The following ANGEL2 variants were observed in gnomAD, a reference collection of about 807,000 sequenced individuals.
The protein encoded by ANGEL2 is RNA 2',3'-cyclic phosphatase ANGEL2.
Under a neutral mutation model 66.0 loss-of-function variants are expected in ANGEL2, and 41 were observed. The ratio of observed to expected loss-of-function variants is 0.62; its 90% CI spans 0.48 to 0.81. The LOEUF is 0.81. Ranked by LOEUF, ANGEL2 falls within the 30% of genes least tolerant of loss-of-function variation. The pLI is 0.00. For synonymous variants in ANGEL2, 208 were observed against 226.5 expected (o/e 0.92, Z 0.73); for missense variants, 561 against 641.6 (o/e 0.87, Z 1.36).
intron 8 of ANGEL2, among the ~76,000 whole-genome samples, chr1:212,996,448 CCT>C (rs151245125): frequency 0.02 from 3,085 of 151,122 alleles, 92 homozygotes; most frequent in African/African-American, 0.07. Context: ...ACGGTGAAAC[CCT>C]GTCTCTACAA....
At chr1:213,007,099 G>GAAAAAAAA (rs202124670) in intron 4 of ANGEL2, 30 bp downstream of exon 4, 9 of 1,388,152 alleles carry the variant, frequency 6.5e-6, no homozygotes, top group South Asian at 2.5e-5. Context: ...TCTCAAAAAA[G>GAAAAAAAA]AAAAAAAAAA....
intron 5 of ANGEL2, among the ~76,000 whole-genome samples, chr1:213,002,778 C>A (rs891252524): frequency 6.6e-6 from 1 of 151,858 alleles, no homozygotes; most frequent in African/African-American, 2.4e-5. Context: ...AAAATTAGCC[C>A]GGCGTGGAGG....
At position 213,005,258 on chromosome 1, in the gene ANGEL2, T is replaced by G; in HGVS notation, c.909A>C (p.Ala303=). 2 of 1,614,260 alleles carry G rather than the reference T, an allele frequency of 1.2e-6. No homozygotes were observed. The highest frequency in any genetic ancestry group is 1.7e-6 in the Non-Finnish European group (2 of 1,180,054). Residue 303 remains alanine (A), a synonymous_variant, in exon 5 of 9, where the codon GCA becomes GCC. Coordinates refer to ENST00000366962, the MANE Select transcript of ANGEL2 (RefSeq NM_144567.5). ...ACAGATGCGTATTTGCTACGCAGAT[T>G]GCAGGGCAGGCAGCATATGGAATTT... ...QPKIPYAACP[A]ICVANTHLLY... is the part of the protein sequence containing the mutation.
Position 212,994,523 on chromosome 1 carries a change from A to T in ANGEL2, c.*518T>A, listed in dbSNP as rs1442620383. On this transcript the variant is annotated 3_prime_UTR_variant, in exon 9 of 9. Coordinates refer to ENST00000366962, the MANE Select transcript of ANGEL2 (RefSeq NM_144567.5). ...TGTACAACTTAAAAAGCATTATCAA[A>T]CCCCTTCAAAAACAAACTAAACAAT... 6.6e-6 allele frequency: 1 copy of T among 152,242 alleles called. No homozygotes were observed. Among genetic ancestry groups the T allele is most frequent in the African/African-American group, 2.4e-5 (1 of 41,420 alleles). 9.4% of individuals were successfully genotyped at this position (152,242 alleles called of 1,614,324 possible).
rs754069766 is a variant in ANGEL2 at position 213,000,948 on chromosome 1, G to T, written c.1135-36C>A. 18 of 1,594,224 alleles carry T rather than the reference G, an allele frequency of 1.1e-5. No individual in the cohort carries two copies. In the African/African-American group the frequency reaches 1.8e-4, roughly 16 times the overall value. On this transcript the variant is annotated intron_variant, in intron 5 of 8. Coordinates refer to ENST00000366962, the MANE Select transcript of ANGEL2 (RefSeq NM_144567.5). ...TTTCAACAGGTATCTTAAGTGAAAAGATTTTAAATAGCTTATGAGTTGAAA... is the reference window on the plus strand; with the variant it reads ...TTTCAACAGGTATCTTAAGTGAAAATATTTTAAATAGCTTATGAGTTGAAA...
intron 7 of ANGEL2, among the ~76,000 whole-genome samples, chr1:212,998,681 C>T (rs1639668706): frequency 1.3e-5 from 2 of 150,892 alleles, no homozygotes; most frequent in South Asian, 4.2e-4. Context: ...ACCACCACAC[C>T]TAGCTAATTT....
In ANGEL2 at chr1:213,000,222, C is replaced by T. The variant is rs552381181; in HGVS notation, c.1319+104G>A. On this transcript the variant is annotated intron_variant, in intron 7 of 8. Transcript: ENST00000366962. ...TAAGGGCCAGCACCCTTCACCAGCACGGAATACTATCACCTTCATTTTTTT... is the reference window on the plus strand; with the variant it reads ...TAAGGGCCAGCACCCTTCACCAGCATGGAATACTATCACCTTCATTTTTTT... 1.8e-4 allele frequency: 194 copies of T among 1,102,794 alleles called. No individual in the cohort carries two copies. In the African/African-American group the frequency reaches 2.5e-3, roughly 14 times the overall value. The allele number at this position is 1,102,794 out of a possible 1,614,324, so 68.3% of individuals were successfully genotyped here. A position where few individuals can be genotyped will look rare whatever the true frequency, so the allele number is the denominator to read the frequency against.
At position 213,015,818 on chromosome 1, in the gene ANGEL2, G is replaced by C. The variant is rs1183352982; in HGVS notation, c.-147C>G. The C allele has an allele frequency of 1.6e-5, 17 of 1,052,590 alleles. No homozygotes were observed. The highest frequency in any genetic ancestry group is 2.1e-5 in the Non-Finnish European group (15 of 721,132). 65.2% of individuals were successfully genotyped at this position (1,052,590 alleles called of 1,614,324 possible). On this transcript the variant is annotated 5_prime_UTR_variant, in exon 1 of 9. Coordinates refer to ENST00000366962, the MANE Select transcript of ANGEL2 (RefSeq NM_144567.5). The stretch of plus-strand genomic sequence containing the variant: ...GCTGCAAGGCATGCTGGGAGGTGCA[G>C]TCTCGCCGGCCGGCCTACACTCCAT...
At chr1:213,014,468 C>T (rs2076586924) in intron 1 of ANGEL2, among the ~76,000 whole-genome samples, 1 of 152,146 alleles carries the variant, frequency 6.6e-6, no homozygotes, top group Non-Finnish European at 1.5e-5. Flanking sequence ...AATTGTAAAT[C>T]TTTAAAGGCA....
intron 5 of ANGEL2, among the ~76,000 whole-genome samples, chr1:213,004,196 A>G (rs904424462): frequency 3.9e-5 from 6 of 151,908 alleles, no homozygotes; most frequent in African/African-American, 1.5e-4. Context: ...GCAAGACTCC[A>G]TCTCAAAAAA....
Position 213,000,842 on chromosome 1 carries a change from C to T in ANGEL2, c.1205G>A (p.Gly402Asp), listed in dbSNP as rs776451907. Residue 402 changes from glycine to aspartate, a missense_variant, in exon 6 of 9, where the codon GGT becomes GAT. Gly to Asp is a moderately conservative substitution (Grantham distance 94, BLOSUM62 -1). Transcript: ENST00000366962. ...LSIPIWPPNLGISQNCVYEVQ... is the reference protein window; with the variant it reads ...LSIPIWPPNLDISQNCVYEVQ... Reference sequence around the variant, plus strand: ...CTCATACACACAGTTCTGTGAGATACCTAGGTTTGGGGGCCAAATTGGAAT... The same window carrying T: ...CTCATACACACAGTTCTGTGAGATATCTAGGTTTGGGGGCCAAATTGGAAT... 2.3e-5 allele frequency: 37 copies of T among 1,612,670 alleles called. No homozygotes were observed. The highest frequency in any genetic ancestry group is 2.9e-5 in the Non-Finnish European group (34 of 1,179,812).
Position 213,008,268 on chromosome 1 carries a change from A to C in ANGEL2, c.584T>G (p.Leu195Ter). ...ATTGGGAAACCTAAAACTCCAGTGT[A>C]ATACTGGCCGCCGGCAATGTCTATA... ...HLYRHCRRPV[L>*]HWSFRFPNIL... The change falls in exon 3 of 9, where the codon TTA becomes TGA. Residue 195 changes from leucine (L) to a stop codon, truncating the protein, a stop_gained. Transcript: ENST00000366962. LOFTEE classifies it high-confidence loss of function. 6.2e-7 allele frequency: 1 copy of C among 1,614,046 alleles called. No homozygotes were observed. The highest frequency in any genetic ancestry group is 8.5e-7 in the Non-Finnish European group (1 of 1,179,882).
chr1:213,007,556 G>GT (rs1402677649), intron 3 of ANGEL2, among the ~76,000 whole-genome samples: 1 of 152,128 alleles, frequency 6.6e-6, no homozygotes, highest in Non-Finnish European at 1.5e-5. Context: ...TATCAGGTAG[G>GT]TGACATTTTT....
intron 1 of ANGEL2, 58 bp downstream of exon 1, chr1:213,015,555 C>A: frequency 6.2e-7 from 1 of 1,604,110 alleles, no homozygotes; most frequent in Non-Finnish European, 8.5e-7. Flanking sequence ...GGACGCCCGC[C>A]CGCTCTTTCA....
rs950707364 is a variant in ANGEL2 at position 213,015,853 on chromosome 1, T to A, written c.-182A>T. 1.3e-5 allele frequency: 9 copies of A among 693,790 alleles called. No homozygotes were observed. In the Admixed American group the frequency reaches 2.0e-4, roughly 15 times the overall value. 43.0% of individuals were successfully genotyped at this position (693,790 alleles called of 1,614,324 possible). On this transcript the variant is annotated 5_prime_UTR_variant, in exon 1 of 9. Transcript: ENST00000366962. ...CCGGCCTACACTCCATCTTGCGCAGTCAGAGTCCCTGAATGCCTTAACCCG... is the reference window on the plus strand; with the variant it reads ...CCGGCCTACACTCCATCTTGCGCAGACAGAGTCCCTGAATGCCTTAACCCG...
rs1468477484 is a variant in ANGEL2 at position 212,997,275 on chromosome 1, A to G, written c.1363T>C (p.Tyr455His). The change falls in exon 8 of 9, where the codon TAT becomes CAT. Residue 455 changes from tyrosine to histidine, a missense_variant. Coordinates refer to ENST00000366962, the MANE Select transcript of ANGEL2 (RefSeq NM_144567.5). ...CCAGTGTCAGGAAAGTAATGTGAAT[A>G]AACAGATGACAAACTGAAATGGTGC... ...LQHHFSLSSVYSHYFPDTGIP... is the reference protein window; with the variant it reads ...LQHHFSLSSVHSHYFPDTGIP... The G allele has an allele frequency of 4.5e-5, 73 of 1,612,790 alleles. No individual in the cohort carries two copies. Among genetic ancestry groups the G allele is most frequent in the Non-Finnish European group, 6.1e-5 (72 of 1,179,026 alleles).
chr1:212,993,688 C>T lies in ANGEL2; in HGVS notation c.*1353G>A, dbSNP rs2075919339. The T allele has an allele frequency of 6.6e-6, 1 of 152,180 alleles. No individual in the cohort carries two copies. The highest frequency in any genetic ancestry group is 1.5e-5 in the Non-Finnish European group (1 of 68,034). The allele number at this position is 152,180 out of a possible 1,614,324, so 9.4% of individuals were successfully genotyped here. ...GAGGATTTATTAAACCTGCTCATAA[C>T]CACTTCATAGAAAGTGTCAGCACCA... On this transcript the variant is annotated 3_prime_UTR_variant, in exon 9 of 9. Transcript: ENST00000366962.
intron 3 of ANGEL2, among the ~76,000 whole-genome samples, chr1:213,007,400 C>T (rs1381100914): frequency 6.6e-6 from 1 of 152,170 alleles, no homozygotes; most frequent in Non-Finnish European, 1.5e-5. Context: ...AACTCTGGCC[C>T]TCAATCACAT....
chr1:213,015,363 C>T, intron 1 of ANGEL2: 1 of 1,405,968 alleles, frequency 7.1e-7, no homozygotes, highest in Non-Finnish European at 9.2e-7. Flanking sequence ...CAAGCCTGGC[C>T]GGCGGCCCAT....
Sources: allele counts gnomAD v4.1 joint callset (sites outside exome capture counted in the v4.1 genomes callset), GRCh38; gene constraint gnomAD v4.1.1; transcripts MANE v1.5; gene names NCBI Gene and HGNC (gene_info 2026-07-23, HGNC 2026-07-21).